Variants in CORO2B observed in about 807,000 individuals in gnomAD.
The protein encoded by CORO2B is coronin-2B.
A neutral mutation model predicts 58.8 loss-of-function variants in CORO2B; 26 were observed. The observed-to-expected ratio is 0.44, with a 90% CI of 0.32 to 0.61. The LOEUF (loss-of-function observed/expected upper bound fraction) is 0.61, where lower values mean the gene tolerates loss of function less well. Ranked by LOEUF, CORO2B falls within the 20% of genes least tolerant of loss-of-function variation. CORO2B has a pLI of 0.04. For missense variants in CORO2B, 460 were observed against 645.1 expected (o/e 0.71, Z 3.11); for synonymous variants, 242 against 253.8 (o/e 0.95, Z 0.44).
intron 2 of CORO2B, among the ~76,000 whole-genome samples, chr15:68,690,295 G>A (rs745672565): frequency 6.6e-6 from 1 of 152,138 alleles, no homozygotes; most frequent in Non-Finnish European, 1.5e-5. Flanking sequence ...ACTGCCTAGA[G>A]CCACAATCCC....
rs938992578 is a variant in CORO2B at position 68,588,015 on chromosome 15, A to C, written c.15+8738A>C. 8.5e-5 allele frequency among the ~76,000 whole-genome samples: 13 copies of C among 152,364 alleles called. 1 individual carries two copies. The highest frequency in any genetic ancestry group is 5.8e-4 in the East Asian group (3 of 5,188). Reference sequence around the variant, plus strand: ...CCCTGGATGTCTCTGAGCGTCTGTGAAAATGAAGTTAGTAGTCTATCTCTG... The same window carrying C: ...CCCTGGATGTCTCTGAGCGTCTGTGCAAATGAAGTTAGTAGTCTATCTCTG... On this transcript the variant is annotated intron_variant, in intron 1 of 11. Coordinates refer to ENST00000261861, the MANE Select transcript of CORO2B (RefSeq NM_006091.5).
chr15:68,701,381 C>T (rs1024421704), intron 3 of CORO2B, among the ~76,000 whole-genome samples: 4 of 148,196 alleles, frequency 2.7e-5, no homozygotes, highest in Non-Finnish European at 4.5e-5. Context: ...GCGCGATCTC[C>T]GCTCACTGCA....
At chr15:68,603,748 GA>G (rs1471496361) in intron 1 of CORO2B, among the ~76,000 whole-genome samples, 2 of 152,146 alleles carry the variant, frequency 1.3e-5, no homozygotes, top group African/African-American at 4.8e-5. Context: ...GGCCTCACCA[GA>G]AACCAACCCT....
chr15:68,553,170 C>CT, the CORO2B span, among the ~76,000 whole-genome samples: 2 of 152,298 alleles, frequency 1.3e-5, no homozygotes, highest in East Asian at 3.9e-4. Context: ...AGAAGAAAGG[C>CT]ACCACATCCA....
At chr15:68,670,792 ATAT>A (rs1902365441) in intron 2 of CORO2B, among the ~76,000 whole-genome samples, 1 of 152,246 alleles carries the variant, frequency 6.6e-6, no homozygotes, top group African/African-American at 2.4e-5. Flanking sequence ...GCAGATAAAA[ATAT>A]TATAATATTG....
At chr15:68,695,768 A>G (rs959891935) in intron 3 of CORO2B, among the ~76,000 whole-genome samples, 4 of 152,152 alleles carry the variant, frequency 2.6e-5, no homozygotes, top group African/African-American at 9.7e-5. Flanking sequence ...AGGTGACCCA[A>G]AATTTGAACT....
chr15:68,725,615 C>T (rs899875080), intron 11 of CORO2B, among the ~76,000 whole-genome samples: 15 of 151,956 alleles, frequency 9.9e-5, no homozygotes, highest in Admixed American at 2.0e-4. Flanking sequence ...CAATTAATGA[C>T]GCAGGTTTTG....
intron 2 of CORO2B, among the ~76,000 whole-genome samples, chr15:68,678,717 AG>A (rs1233265336): frequency 7.2e-5 from 11 of 152,224 alleles, no homozygotes; most frequent in African/African-American, 2.4e-5. Context: ...GAGCGTGTCC[AG>A]GGATCAGCAG....
the CORO2B span, among the ~76,000 whole-genome samples, chr15:68,540,294 C>A: frequency 6.6e-6 from 1 of 152,202 alleles, no homozygotes; most frequent in Non-Finnish European, 1.5e-5. Flanking sequence ...CTTAACATCA[C>A]GACCCATCAC....
At chr15:68,576,730 A>G (rs1899296172), upstream of CORO2B, among the ~76,000 whole-genome samples, 2 of 152,140 alleles carry the variant, frequency 1.3e-5, no homozygotes, top group Non-Finnish European at 1.5e-5. Context: ...GACTCTTCCA[A>G]TGCTGGACAG....
chr15:68,550,478 A>G, the CORO2B span, among the ~76,000 whole-genome samples: 1 of 152,144 alleles, frequency 6.6e-6, no homozygotes, highest in South Asian at 2.1e-4. Flanking sequence ...AACCTCTCTC[A>G]AGCTCAGTTT....
chr15:68,725,375 A>G (rs921819580), intron 11 of CORO2B, among the ~76,000 whole-genome samples: 1 of 152,208 alleles, frequency 6.6e-6, no homozygotes, highest in African/African-American at 2.4e-5. Context: ...TCTCAAAAAT[A>G]AATAAATACA....
chr15:68,699,805 C>A (rs538899421), intron 3 of CORO2B, among the ~76,000 whole-genome samples: 1 of 152,318 alleles, frequency 6.6e-6, no homozygotes, highest in South Asian at 2.1e-4. Flanking sequence ...TCCCCTGACT[C>A]CCAGTCTGCA....
At position 68,579,218 on chromosome 15, in the gene CORO2B, C is replaced by T. The variant is rs1434803366; in HGVS notation, c.-45C>T. On this transcript the variant is annotated 5_prime_UTR_variant, in exon 1 of 12. Transcript: ENST00000261861. ...GCCGCCCCGGGCCGCCGCCGCCGCCCCCGCACGCCGCGCCCGCGCCCCCGC... is the reference window on the plus strand; with the variant it reads ...GCCGCCCCGGGCCGCCGCCGCCGCCTCCGCACGCCGCGCCCGCGCCCCCGC... The T allele has an allele frequency of 6.6e-6, 7 of 1,064,470 alleles. No individual in the cohort carries two copies. The highest frequency in any genetic ancestry group is 7.9e-6 in the Non-Finnish European group (7 of 884,740). The allele number at this position is 1,064,470 out of a possible 1,614,324, so 65.9% of individuals were successfully genotyped here.
intron 1 of CORO2B, among the ~76,000 whole-genome samples, chr15:68,588,045 G>T (rs1899612390): frequency 6.6e-6 from 1 of 152,184 alleles, no homozygotes; most frequent in Admixed American, 6.5e-5. Context: ...TCTCTGTAGG[G>T]TGCTCTAATA....
chr15:68,667,673 A>G (rs1902238602), intron 2 of CORO2B, among the ~76,000 whole-genome samples: 1 of 151,790 alleles, frequency 6.6e-6, no homozygotes, highest in Non-Finnish European at 1.5e-5. Context: ...TCTATTCACT[A>G]CCTCCCCCTT....
intron 1 of CORO2B, among the ~76,000 whole-genome samples, chr15:68,624,909 C>T (rs888775829): frequency 6.6e-6 from 1 of 152,162 alleles, no homozygotes; most frequent in Non-Finnish European, 1.5e-5. Context: ...TCTCGAACTC[C>T]TGACCTCATG....
chr15:68,649,642 G>A (rs1189239152), intron 2 of CORO2B, among the ~76,000 whole-genome samples: 5 of 152,170 alleles, frequency 3.3e-5, no homozygotes, highest in African/African-American at 4.8e-5. Context: ...AAATAAAAAT[G>A]AAGGAATTTT....
chr15:68,675,663 G>C (rs912651462), intron 2 of CORO2B, among the ~76,000 whole-genome samples: 1 of 152,130 alleles, frequency 6.6e-6, no homozygotes, highest in South Asian at 2.1e-4. Context: ...ATCTATTTTT[G>C]TAAAACCAAG....
Sources: gnomAD v4.1 joint callset for allele counts (sites outside exome capture counted in the v4.1 genomes callset) on GRCh38, gnomAD v4.1.1 for gene constraint, MANE v1.5 for transcripts, NCBI Gene and HGNC (gene_info 2026-07-23, HGNC 2026-07-21) for gene names.